Variants in NUP58 observed in about 807,000 individuals in gnomAD.
The protein encoded by NUP58 is nucleoporin p58/p45.
A neutral mutation model predicts 70.1 loss-of-function variants in NUP58; 17 were observed. The observed-to-expected ratio is 0.24, with a 90% CI of 0.17 to 0.36. NUP58 has a LOEUF of 0.36. Ranked by LOEUF, NUP58 falls within the 10% of genes least tolerant of loss-of-function variation. NUP58 has a pLI of 1.00. For missense variants in NUP58, 644 were observed against 701.5 expected (o/e 0.92, Z 0.93); for synonymous variants, 275 against 257.6 (o/e 1.07, Z -0.65).
intron 1 of NUP58, among the ~76,000 whole-genome samples, chr13:25,305,517 C>T (rs949273570): frequency 6.6e-6 from 1 of 152,100 alleles, no homozygotes; most frequent in Non-Finnish European, 1.5e-5. Flanking sequence ...CCTGCTTTGT[C>T]TCCTGCCTCG....
chr13:25,343,879 C>T (rs144982707), downstream of NUP58, among the ~76,000 whole-genome samples: 954 of 89,214 alleles, frequency 0.011, 7 homozygotes, highest in African/African-American at 0.04. Flanking sequence ...ACACCCCACA[C>T]CAACTATTCT....
At chr13:25,336,355 T>G (rs750631761) in intron 13 of NUP58, 8 of 953,456 alleles carry the variant, frequency 8.4e-6, no homozygotes, top group Non-Finnish European at 1.2e-5. Flanking sequence ...CATTGTCTTG[T>G]TTTTTATCTA....
At chr13:25,333,309 C>G (rs747121803) in intron 13 of NUP58, 9 of 985,328 alleles carry the variant, frequency 9.1e-6, no homozygotes, top group Non-Finnish European at 8.4e-6. Flanking sequence ...TGTCTTTGCC[C>G]TCTGTGGTGG....
chr13:25,337,025 A>G lies in NUP58; in HGVS notation c.1525A>G (p.Asn509Asp). The change falls in exon 14 of 16, where the codon AAC (asparagine) becomes GAC (aspartate). Residue 509 changes from asparagine (N) to aspartate (D), a missense_variant. Asn to Asp is a conservative substitution (Grantham distance 23). This residue lies in a region of NUP58 where 132 missense variants were observed against 203.9 expected (regional missense o/e 0.65). Transcript: ENST00000381736. ...GCAATCAAGTGGCTTAGGTTCTTCA[A>G]ACCTTGGAGGTACACTTTAACTTTT... ...GLQSSGLGSS[N>D]LGGFGTSSGF... 6.2e-7 allele frequency: 1 copy of G among 1,601,294 alleles called. No homozygotes were observed. Among genetic ancestry groups the G allele is most frequent in the Non-Finnish European group, 8.5e-7 (1 of 1,174,318 alleles).
Position 25,307,348 on chromosome 13 carries a change from A to G in NUP58, c.108-458A>G, listed in dbSNP as rs183681691. 9.7e-4 allele frequency among the ~76,000 whole-genome samples: 145 copies of G among 150,212 alleles called. 4 individuals are homozygous for G. In the East Asian group the frequency reaches 0.017, roughly 18 times the overall value. ...CTGCCTCAGCCTCCTGAGTAGCTGG[A>G]ATTACAGGCGTGTGCCACCACCACA... On this transcript the variant is annotated intron_variant, in intron 1 of 15. Transcript: ENST00000381736.
intron 3 of NUP58, among the ~76,000 whole-genome samples, chr13:25,310,206 A>ATTTTTT (rs796547133): frequency 1.1e-3 from 53 of 47,496 alleles, no homozygotes; most frequent in African/African-American, 3.1e-3. Context: ...CCCTTGGCTA[A>ATTTTTT]TTTTTTTTTT....
In NUP58 at chr13:25,312,897, A is replaced by G. The variant is rs1182034422; in HGVS notation, c.301A>G (p.Thr101Ala). ...TATTTAAATAGGAACGCCAGCCACTACATCTGCAGCTACAACAGGCTTCAG... is the reference window on the plus strand; with the variant it reads ...TATTTAAATAGGAACGCCAGCCACTGCATCTGCAGCTACAACAGGCTTCAG... Reference protein sequence around the residue: ...TGLTLGTPATTSAATTGFSLG... With the variant: ...TGLTLGTPATASAATTGFSLG... Residue 101 changes from threonine to alanine, a missense_variant, in exon 4 of 16, where the codon ACA becomes GCA. Physicochemically the swap from Thr to Ala is moderately conservative, Grantham distance 58. Around this residue, in one of 4 missense-constraint regions of NUP58, gnomAD observed 430 missense variants for 409.2 expected, o/e 1.05. Transcript: ENST00000381736. 5.6e-6 allele frequency: 9 copies of G among 1,611,510 alleles called. No homozygotes were observed. Among genetic ancestry groups the G allele is most frequent in the African/African-American group, 1.3e-5 (1 of 74,814 alleles).
rs1030000370 is a variant in NUP58 at position 25,306,393 on chromosome 13, CAA to C, written c.108-1392_108-1391del. Reference sequence around the variant, plus strand: ...TGGGCAACAGAGTGAGACTCCGTCTCAAAAAAAAAAAAAAAAAAAAAATCTGC... The same window carrying C: ...TGGGCAACAGAGTGAGACTCCGTCTCAAAAAAAAAAAAAAAAAAAATCTGC... On this transcript the variant is annotated intron_variant, in intron 1 of 15. Coordinates refer to ENST00000381736, the MANE Select transcript of NUP58 (RefSeq NM_014089.4). Among the ~76,000 whole-genome samples the C allele has an allele frequency of 8.3e-3, 460 of 55,506 alleles. 1 individual carries two copies. The highest frequency in any genetic ancestry group is 0.025 in the African/African-American group (432 of 17,196). The allele number at this position is 55,506 out of a possible 152,430, so 36.4% of individuals were successfully genotyped here.
Position 25,340,964 on chromosome 13 carries a change from C to T in NUP58, c.*830C>T, listed in dbSNP as rs1471847115. Reference sequence around the variant, plus strand: ...AAAATATATATTTACAGGCCTACAACTTTTGCCTCAGACTGTTCCCCTTTT... The same window carrying T: ...AAAATATATATTTACAGGCCTACAATTTTTGCCTCAGACTGTTCCCCTTTT... On this transcript the variant is annotated 3_prime_UTR_variant, in exon 16 of 16. Transcript: ENST00000381736. 1 of 152,124 alleles carries T rather than the reference C, an allele frequency of 6.6e-6. No individual in the cohort carries two copies. Among genetic ancestry groups the T allele is most frequent in the Non-Finnish European group, 1.5e-5 (1 of 68,042 alleles). 9.4% of individuals were successfully genotyped at this position (152,124 alleles called of 1,614,324 possible). A position where few individuals can be genotyped will look rare whatever the true frequency, so the allele number is the denominator to read the frequency against.
intron 2 of NUP58, 89 bp downstream of exon 2, chr13:25,308,037 C>A: frequency 6.9e-7 from 1 of 1,448,262 alleles, no homozygotes; most frequent in Non-Finnish European, 9.4e-7. Flanking sequence ...CAAGGATCAT[C>A]ACTGGTAGTA....
At chr13:25,312,226 T>C (rs947478615) in intron 3 of NUP58, among the ~76,000 whole-genome samples, 1 of 151,540 alleles carries the variant, frequency 6.6e-6, no homozygotes, top group Non-Finnish European at 1.5e-5. Context: ...AAGAAAGGAA[T>C]AGAGAATGGT....
chr13:25,349,542 A>G (rs2032083783), intron 3 of NUP58: 1 of 152,652 alleles, frequency 6.6e-6, no homozygotes, highest in African/African-American at 2.4e-5. Flanking sequence ...AATACAGTCT[A>G]AACGATTTTT....
chr13:25,301,912 A>G (rs769246883), intron 1 of NUP58, 32 bp downstream of exon 1: 2 of 1,433,824 alleles, frequency 1.4e-6, no homozygotes, highest in Non-Finnish European at 2.0e-6. Flanking sequence ...CCTGGGCCGG[A>G]TTCACCCCCA....
intron 6 of NUP58, among the ~76,000 whole-genome samples, chr13:25,318,349 A>G (rs1240722977): frequency 6.6e-6 from 1 of 152,086 alleles, no homozygotes; most frequent in East Asian, 1.9e-4. Context: ...AAAAATTTGT[A>G]GCCACAGGGT....
Position 25,313,725 on chromosome 13 carries a change from T to G in NUP58, c.548T>G (p.Phe183Cys), listed in dbSNP as rs547603065. 4.2e-5 allele frequency: 64 copies of G among 1,532,498 alleles called. No homozygotes were observed. In the South Asian group the frequency reaches 7.7e-4, roughly 18 times the overall value. 94.9% of individuals were successfully genotyped at this position (1,532,498 alleles called of 1,614,324 possible). A position where few individuals can be genotyped will look rare whatever the true frequency, so the allele number is the denominator to read the frequency against. Residue 183 changes from phenylalanine to cysteine, a missense_variant, in exon 5 of 16, where the codon TTC becomes TGC. By Grantham distance (205) the Phe-to-Cys change is radical. Around this residue, in one of 4 missense-constraint regions of NUP58, gnomAD observed 430 missense variants for 409.2 expected, o/e 1.05. Transcript: ENST00000381736. ...GALAGLGGSLFQSTNTGTSGL... is the reference protein window; with the variant it reads ...GALAGLGGSLCQSTNTGTSGL... ...TTAGCTGGTTTGGGAGGTTCACTTT[T>G]CCAGAGTACAAACACAGGAACATCA...
At chr13:25,319,748 C>T (rs1231104537) in intron 7 of NUP58, among the ~76,000 whole-genome samples, 1 of 152,034 alleles carries the variant, frequency 6.6e-6, no homozygotes, top group Non-Finnish European at 1.5e-5. Context: ...AAGAGAATAG[C>T]CTCCATATAC....
chr13:25,309,277 C>A lies in NUP58; in HGVS notation c.281C>A (p.Thr94Asn). Residue 94 changes from threonine (T) to asparagine (N), a missense_variant, in exon 3 of 16, where the codon ACT becomes AAT. This residue lies in a region of NUP58 where 430 missense variants were observed against 409.2 expected (regional missense o/e 1.05). Coordinates refer to ENST00000381736, the MANE Select transcript of NUP58 (RefSeq NM_014089.4). ...GIATTITTGLTLGTPATTSAA... is the reference protein window; with the variant it reads ...GIATTITTGLNLGTPATTSAA... The stretch of plus-strand genomic sequence containing the variant: ...GCAACAACTATAACTACAGGATTAA[C>A]TCTGGGTAAGAATTTTTGAGGAAAG... 6.2e-7 allele frequency: 1 copy of A among 1,606,168 alleles called. No individual in the cohort carries two copies. Among genetic ancestry groups the A allele is most frequent in the Non-Finnish European group, 8.5e-7 (1 of 1,173,970 alleles).
intron 14 of NUP58, among the ~76,000 whole-genome samples, chr13:25,338,248 A>G (rs1324595451): frequency 2.6e-5 from 4 of 152,208 alleles, no homozygotes; most frequent in African/African-American, 7.2e-5. Context: ...AGTGCATGTC[A>G]TGCTTATTAA....
chr13:25,337,082 A>G, intron 14 of NUP58, 48 bp downstream of exon 14: 1 of 1,345,018 alleles, frequency 7.4e-7, no homozygotes, highest in Non-Finnish European at 1.0e-6. Context: ...ATATATTTGA[A>G]TTGATACTAG....
Sources: allele counts gnomAD v4.1 joint callset (sites outside exome capture counted in the v4.1 genomes callset), GRCh38; gene constraint gnomAD v4.1.1; regional missense constraint gnomAD v4.1.1; transcripts MANE v1.5; gene names NCBI Gene and HGNC (gene_info 2026-07-23, HGNC 2026-07-21).